The following FGF14 variants were observed in gnomAD, a reference collection of about 807,000 sequenced individuals.
FGF14 encodes the protein fibroblast growth factor 14.
A neutral mutation model predicts 25.5 loss-of-function variants in FGF14; 5 were observed. That is an observed-to-expected ratio of 0.20 (90% CI 0.10 to 0.41). The LOEUF is 0.41. FGF14 is among the 10% of genes least tolerant of loss of function. The pLI is 1.00. For synonymous variants in FGF14, 138 were observed against 118.3 expected (o/e 1.17, Z -1.08); for missense variants, 222 against 320.1 (o/e 0.69, Z 2.34).
intron 1 of FGF14, among the ~76,000 whole-genome samples, chr13:102,213,541 A>C (rs1369948154): frequency 1.3e-5 from 2 of 152,208 alleles, no homozygotes; most frequent in Non-Finnish European, 2.9e-5. Flanking sequence ...GCTGCCAATA[A>C]ATCAAGGCCC....
intron 1 of FGF14, among the ~76,000 whole-genome samples, chr13:101,992,080 A>C (rs1304205984): frequency 6.6e-6 from 1 of 152,200 alleles, no homozygotes; most frequent in Non-Finnish European, 1.5e-5. Context: ...GCAAAGGCTC[A>C]CTAAACACTC....
chr13:101,957,382 C>T (rs185453603), intron 1 of FGF14, among the ~76,000 whole-genome samples: 90 of 152,094 alleles, frequency 5.9e-4, no homozygotes, highest in East Asian at 5.0e-3. Flanking sequence ...AGGAATAAGA[C>T]GAAGAAAATA....
intron 1 of FGF14, among the ~76,000 whole-genome samples, chr13:102,135,055 AC>A (rs1426715248): frequency 0.017 from 2,547 of 147,030 alleles, 73 homozygotes; most frequent in African/African-American, 0.06. Context: ...ACACACACAC[AC>A]ACACAAATCC....
At chr13:102,224,127 C>T (rs1045442163) in intron 1 of FGF14, among the ~76,000 whole-genome samples, 3 of 152,022 alleles carry the variant, frequency 2.0e-5, no homozygotes, top group African/African-American at 7.2e-5. Flanking sequence ...TTATTTTCAT[C>T]ATATAACTTT....
chr13:101,725,383 A>AT (rs2035346381), intron 4 of FGF14, among the ~76,000 whole-genome samples: 1 of 152,066 alleles, frequency 6.6e-6, no homozygotes, highest in Non-Finnish European at 1.5e-5. Flanking sequence ...AGACTCTGGA[A>AT]TAATCTGTCT....
chr13:101,915,765 C>G (rs1225203435), intron 1 of FGF14, among the ~76,000 whole-genome samples: 1 of 152,210 alleles, frequency 6.6e-6, no homozygotes, highest in Non-Finnish European at 1.5e-5. Flanking sequence ...GGGATTTTTA[C>G]TTCTGCCCCC....
intron 1 of FGF14, among the ~76,000 whole-genome samples, chr13:102,396,455 C>A (rs1180449594): frequency 6.6e-6 from 1 of 152,082 alleles, no homozygotes; most frequent in African/African-American, 2.4e-5. Context: ...AGGTATGATG[C>A]CAAAATGTGC....
chr13:101,800,570 TAA>T (rs1478576068), intron 3 of FGF14, among the ~76,000 whole-genome samples: 1 of 152,194 alleles, frequency 6.6e-6, no homozygotes, highest in African/African-American at 2.4e-5. Context: ...TATAATGCAA[TAA>T]AAGTTTCCAT....
At chr13:102,265,708 T>C (rs1227664405) in intron 1 of FGF14, among the ~76,000 whole-genome samples, 1 of 152,140 alleles carries the variant, frequency 6.6e-6, no homozygotes, top group East Asian at 1.9e-4. Context: ...TCACAGCTGG[T>C]AAGTGAAGAA....
chr13:102,244,691 T>C (rs1163770195), intron 1 of FGF14, among the ~76,000 whole-genome samples: 1 of 151,992 alleles, frequency 6.6e-6, no homozygotes, highest in Non-Finnish European at 1.5e-5. Context: ...GTGAGGCAAA[T>C]ATATCTTCTT....
intron 1 of FGF14, among the ~76,000 whole-genome samples, chr13:102,065,233 G>A (rs1020058290): frequency 2.0e-5 from 3 of 152,014 alleles, no homozygotes; most frequent in Non-Finnish European, 4.4e-5. Flanking sequence ...CTTTCTTCCA[G>A]GATTATATAT....
At chr13:101,828,233 C>T (rs1386227077) in intron 3 of FGF14, among the ~76,000 whole-genome samples, 2 of 151,970 alleles carry the variant, frequency 1.3e-5, no homozygotes, top group African/African-American at 4.8e-5. Flanking sequence ...AGTCAATCTG[C>T]AGACGCCAAT....
Position 101,717,672 on chromosome 13 carries a change from TG to T in FGF14, c.*5158del, listed in dbSNP as rs1452771842. The T allele has an allele frequency of 6.6e-6, 1 of 152,088 alleles. No individual in the cohort carries two copies. The highest frequency in any genetic ancestry group is 2.4e-5 in the African/African-American group (1 of 41,410). The allele number at this position is 152,088 out of a possible 1,614,324, so 9.4% of individuals were successfully genotyped here. A position where few individuals can be genotyped will look rare whatever the true frequency, so the allele number is the denominator to read the frequency against. The stretch of plus-strand genomic sequence containing the variant: ...GTCCCTGTCTCATATTCTTCTTTGT[TG>T]GTTTCTGTTTAATACTTTAAAGCTG... On this transcript the variant is annotated 3_prime_UTR_variant, in exon 5 of 5. Coordinates refer to ENST00000376143, the MANE Select transcript of FGF14 (RefSeq NM_004115.4).
intron 1 of FGF14, among the ~76,000 whole-genome samples, chr13:102,275,258 C>T (rs1459390409): frequency 4.4e-5 from 3 of 68,236 alleles, no homozygotes; most frequent in Admixed American, 1.5e-4. Flanking sequence ...CTCTCTCTCT[C>T]TCTTTCTCTC....
chr13:102,271,718 C>A (rs1047866608), intron 1 of FGF14, among the ~76,000 whole-genome samples: 30 of 152,276 alleles, frequency 2.0e-4, no homozygotes, highest in Middle Eastern at 3.4e-3. Context: ...TTATGAATGA[C>A]AATCGCTATC....
chr13:101,874,294 G>T (rs2140475295), intron 2 of FGF14, among the ~76,000 whole-genome samples: 1 of 152,208 alleles, frequency 6.6e-6, no homozygotes, highest in East Asian at 1.9e-4. Context: ...TTCATGGAAT[G>T]ATGTTTATAT....
chr13:102,096,001 G>GTGTATATATATA (rs143224591), intron 1 of FGF14, among the ~76,000 whole-genome samples: 3 of 135,054 alleles, frequency 2.2e-5, no homozygotes, highest in Admixed American at 1.5e-4. Context: ...GTGTGTGTGT[G>GTGTATATATATA]TATATATATA....
At chr13:102,026,081 CT>C (rs201392849) in intron 1 of FGF14, among the ~76,000 whole-genome samples, 2,063 of 151,740 alleles carry the variant, frequency 0.014, 44 homozygotes, top group African/African-American at 0.047. Flanking sequence ...TGTTGATGTG[CT>C]TTTTTTTGGT....
intron 1 of FGF14, among the ~76,000 whole-genome samples, chr13:101,906,503 T>C (rs2032264110): frequency 6.6e-6 from 1 of 152,186 alleles, no homozygotes; most frequent in Non-Finnish European, 1.5e-5. Flanking sequence ...AGAATCGCAC[T>C]ATTTTAAAGG....
Sources: allele counts gnomAD v4.1 joint callset (sites outside exome capture counted in the v4.1 genomes callset), GRCh38; gene constraint gnomAD v4.1.1; transcripts MANE v1.5; gene names NCBI Gene and HGNC (gene_info 2026-07-23, HGNC 2026-07-21).